BLOC1S5: variants seen among roughly 807,000 people sequenced by gnomAD.
BLOC1S5 encodes the protein biogenesis of lysosome-related organelles complex 1 subunit 5.
Under a neutral mutation model 24.3 loss-of-function variants are expected in BLOC1S5, and 27 were observed. The observed-to-expected ratio is 1.11, with a 90% CI of 0.82 to 1.53. BLOC1S5 has a LOEUF of 1.53. Among genes scored for constraint, BLOC1S5 ranks in the 40% most tolerant of loss-of-function variants. The pLI, the probability that BLOC1S5 is intolerant of heterozygous loss-of-function variation, is 0.00. For missense variants in BLOC1S5, 239 were observed against 229.4 expected (o/e 1.04, Z -0.27); for synonymous variants, 84 against 74.5 (o/e 1.13, Z -0.66).
intron 3 of BLOC1S5, among the ~76,000 whole-genome samples, chr6:8,036,335 A>C (rs1043505957): frequency 3.3e-5 from 5 of 152,090 alleles, no homozygotes; most frequent in African/African-American, 1.2e-4. Context: ...AATAATAGAG[A>C]CCAGAGCAGA....
intron 2 of BLOC1S5, among the ~76,000 whole-genome samples, chr6:8,052,133 A>T (rs1015427812): frequency 2.6e-5 from 4 of 151,614 alleles, no homozygotes; most frequent in Non-Finnish European, 2.9e-5. Flanking sequence ...CGCCCGGCTA[A>T]TTTTTTTGTA....
At chr6:8,038,670 G>A (rs534283698) in intron 3 of BLOC1S5, among the ~76,000 whole-genome samples, 92 of 152,274 alleles carry the variant, frequency 6.0e-4, no homozygotes, top group African/African-American at 2.1e-3. Flanking sequence ...ATTTTTAGTA[G>A]AGACAGGGTT....
intron 4 of BLOC1S5, among the ~76,000 whole-genome samples, chr6:8,016,393 AT>A (rs1215051339): frequency 6.6e-6 from 1 of 152,046 alleles, no homozygotes; most frequent in Admixed American, 6.6e-5. Flanking sequence ...CAATCCAAGT[AT>A]TTTTTCATAT....
chr6:8,042,973 C>T (rs1387202962), intron 2 of BLOC1S5, among the ~76,000 whole-genome samples: 2 of 152,150 alleles, frequency 1.3e-5, no homozygotes, highest in African/African-American at 4.8e-5. Flanking sequence ...CACTGGGGGA[C>T]GACTCTTGGA....
At chr6:8,033,157 C>T (rs1460062102) in intron 3 of BLOC1S5, among the ~76,000 whole-genome samples, 1 of 152,112 alleles carries the variant, frequency 6.6e-6, no homozygotes, top group Non-Finnish European at 1.5e-5. Flanking sequence ...CAAAAAAGAG[C>T]CTGCATTGCC....
At chr6:8,040,295 A>G (rs1035065443) in intron 3 of BLOC1S5, among the ~76,000 whole-genome samples, 29 of 152,210 alleles carry the variant, frequency 1.9e-4, no homozygotes, top group Non-Finnish European at 3.4e-4. Context: ...GATTAAAAAA[A>G]TGAAAAAATA....
At chr6:8,051,777 GAAC>G (rs1198606952) in intron 2 of BLOC1S5, among the ~76,000 whole-genome samples, 4 of 152,108 alleles carry the variant, frequency 2.6e-5, no homozygotes, top group African/African-American at 4.8e-5. Context: ...TTTATAAAAG[GAAC>G]AACAAAGCCT....
intron 3 of BLOC1S5, among the ~76,000 whole-genome samples, chr6:8,029,896 A>G (rs1255242755): frequency 6.6e-6 from 1 of 152,256 alleles, no homozygotes; most frequent in African/African-American, 2.4e-5. Flanking sequence ...ATCCAATAAA[A>G]ACAGAAACAA....
intron 2 of BLOC1S5, among the ~76,000 whole-genome samples, chr6:8,051,941 A>T (rs1764118281): frequency 6.9e-6 from 1 of 144,150 alleles, no homozygotes; most frequent in Admixed American, 6.9e-5. Flanking sequence ...GCGTGTTGTT[A>T]TTATGTCTGC....
At chr6:8,053,132 C>T (rs1462888426) in intron 2 of BLOC1S5, among the ~76,000 whole-genome samples, 1 of 151,956 alleles carries the variant, frequency 6.6e-6, no homozygotes, top group African/African-American at 2.4e-5. Context: ...AATGATTACA[C>T]TTAGAAAGAC....
At chr6:8,026,523 T>C in intron 3 of BLOC1S5, 98 bp from the exon 4 acceptor site, 1 of 961,172 alleles carries the variant, frequency 1.0e-6, no homozygotes, top group South Asian at 1.4e-5. Context: ...TGAATTGTTT[T>C]AGATCTCAAA....
intron 4 of BLOC1S5, among the ~76,000 whole-genome samples, chr6:8,022,106 A>G (rs1236433504): frequency 6.6e-6 from 1 of 151,994 alleles, no homozygotes; most frequent in Non-Finnish European, 1.5e-5. Context: ...CTGGATTACA[A>G]AATAAAACCA....
chr6:8,017,407 C>CACACACACACACACA (rs1554136933), intron 4 of BLOC1S5, among the ~76,000 whole-genome samples: 1 of 151,596 alleles, frequency 6.6e-6, no homozygotes, highest in African/African-American at 2.4e-5. Flanking sequence ...CACACACACA[C>CACACACACACACACA]CTACAAAGCA....
intron 2 of BLOC1S5, among the ~76,000 whole-genome samples, chr6:8,052,056 T>C (rs1352156881): frequency 7.4e-6 from 1 of 134,714 alleles, no homozygotes; most frequent in African/African-American, 2.7e-5. Flanking sequence ...AAGCTCCGCC[T>C]CCCGGGTTCA....
At position 8,041,213 on chromosome 6, in the gene BLOC1S5, T is replaced by C. The variant is rs201631484; in HGVS notation, c.251A>G (p.His84Arg). The change falls in exon 3 of 5, where the codon CAT becomes CGT. Residue 84 changes from histidine to arginine, a missense_variant. By Grantham distance (29) the His-to-Arg change is conservative (BLOSUM62 0). Transcript: ENST00000397457. Reference protein sequence around the residue: ...RVLENLKNMIHETNEHTLPKC... With the variant: ...RVLENLKNMIRETNEHTLPKC... ...GGGAAGAGTATGTTCATTTGTTTCA[T>C]GGATCATGTTCTTCAAATTTTCAAG... The C allele has an allele frequency of 2.2e-5, 36 of 1,613,346 alleles. 1 individual carries two copies. In the East Asian group the frequency reaches 6.5e-4, roughly 29 times the overall value.
chr6:8,015,983 T>C (rs1265050935), intron 4 of BLOC1S5, among the ~76,000 whole-genome samples, 155 bp from the exon 5 acceptor site: 1 of 152,210 alleles, frequency 6.6e-6, no homozygotes, highest in Admixed American at 6.5e-5. Flanking sequence ...ATTAGAAACA[T>C]CTAAGGCTTC....
chr6:8,063,028 T>C (rs1015330201), intron 1 of BLOC1S5, among the ~76,000 whole-genome samples: 1 of 151,982 alleles, frequency 6.6e-6, no homozygotes, highest in Admixed American at 6.6e-5. Context: ...CTTATCAACA[T>C]AAATATAAAA....
chr6:8,039,937 C>G (rs369868690), intron 3 of BLOC1S5, among the ~76,000 whole-genome samples: 60 of 152,248 alleles, frequency 3.9e-4, no homozygotes, highest in East Asian at 2.5e-3. Flanking sequence ...CGAGTTTAAA[C>G]AAGAAAGCAG....
intron 3 of BLOC1S5, among the ~76,000 whole-genome samples, chr6:8,027,960 T>C (rs1387899033): frequency 1.3e-5 from 2 of 152,260 alleles, no homozygotes; most frequent in Non-Finnish European, 2.9e-5. Context: ...AAAAGCCCAG[T>C]TCAAGGTTTA....
Sources: allele counts gnomAD v4.1 joint callset (sites outside exome capture counted in the v4.1 genomes callset), GRCh38; gene constraint gnomAD v4.1.1; transcripts MANE v1.5; gene names NCBI Gene and HGNC (gene_info 2026-07-23, HGNC 2026-07-21).